CFAP54: variants seen among roughly 807,000 people sequenced by gnomAD.
The protein encoded by CFAP54 is cilia and flagella associated protein 54, also known as cilia- and flagella-associated protein 54.
In CFAP54, 290 loss-of-function variants were observed where a neutral mutation model predicts 370.4. The ratio of observed to expected loss-of-function variants is 0.78; its 90% confidence interval spans 0.71 to 0.86. The LOEUF is 0.86. Among genes scored for constraint, CFAP54 ranks in the 40% least tolerant of loss-of-function variants. CFAP54 has a pLI of 0.00. For missense variants in CFAP54, 3,399 were observed against 3,528.7 expected (o/e 0.96, Z 0.93); for synonymous variants, 1,206 against 1,236.5 (o/e 0.98, Z 0.52).
Position 96,786,724 on chromosome 12 carries a change from C to T in CFAP54, c.8505C>T (p.Leu2835=). The change falls in exon 62 of 68, where the codon CTC becomes CTT. Residue 2835 remains leucine (L), a synonymous_variant. Transcript: ENST00000524981. The part of the protein sequence containing the change: ...SGISLPDDTL[L]TSLYNSELIL... Reference sequence around the variant, plus strand: ...TTTCTTTGCCAGATGATACACTTCTCACATCCCTTTACAACTCTGAGTTGA... The same window carrying T: ...TTTCTTTGCCAGATGATACACTTCTTACATCCCTTTACAACTCTGAGTTGA... 3.9e-6 allele frequency: 6 copies of T among 1,535,852 alleles called. No individual in the cohort carries two copies. The highest frequency in any genetic ancestry group is 5.2e-6 in the Non-Finnish European group (6 of 1,146,798).
chr12:96,757,881 A>G (rs1205012285), intron 58 of CFAP54, among the ~76,000 whole-genome samples: 2 of 152,342 alleles, frequency 1.3e-5, no homozygotes, highest in Admixed American at 6.5e-5. Flanking sequence ...GTTATGTTTC[A>G]TGGATAACAT....
intron 66 of CFAP54, among the ~76,000 whole-genome samples, chr12:96,847,742 C>T (rs140337023): frequency 5.3e-4 from 80 of 152,288 alleles, no homozygotes; most frequent in Non-Finnish European, 9.3e-4. Flanking sequence ...AGACAGAACC[C>T]CTCATGTTGT....
chr12:96,841,207 C>G (rs1466219036), intron 66 of CFAP54, among the ~76,000 whole-genome samples: 3 of 152,200 alleles, frequency 2.0e-5, no homozygotes, highest in Non-Finnish European at 4.4e-5. Context: ...TATATGCACT[C>G]CTTGATAAAC....
intron 46 of CFAP54, among the ~76,000 whole-genome samples, chr12:96,704,287 C>T (rs796177338): frequency 2.6e-5 from 4 of 150,948 alleles, no homozygotes; most frequent in African/African-American, 7.3e-5. Flanking sequence ...TTTAGCTGGA[C>T]GTGGTGGCGG....
intron 66 of CFAP54, among the ~76,000 whole-genome samples, chr12:96,830,916 T>C (rs908710008): frequency 1.3e-5 from 2 of 152,160 alleles, no homozygotes; most frequent in Non-Finnish European, 2.9e-5. Context: ...CCTCAAGTGA[T>C]CCACCTGCCT....
chr12:96,752,724 A>G (rs1397243203), intron 55 of CFAP54, among the ~76,000 whole-genome samples: 3 of 152,154 alleles, frequency 2.0e-5, no homozygotes, highest in Non-Finnish European at 4.4e-5. Flanking sequence ...CTGCTACACA[A>G]TTGGCCATGC....
chr12:96,843,598 T>G (rs890897841), intron 66 of CFAP54, among the ~76,000 whole-genome samples: 1 of 152,114 alleles, frequency 6.6e-6, no homozygotes, highest in Non-Finnish European at 1.5e-5. Context: ...CCAGTGAGAG[T>G]TGGGCGACTC....
chr12:96,666,462 AG>A (rs1372562708), intron 39 of CFAP54, among the ~76,000 whole-genome samples: 1 of 152,220 alleles, frequency 6.6e-6, no homozygotes, highest in African/African-American at 2.4e-5. Flanking sequence ...AAACAAAAAG[AG>A]GTTTAATGAA....
At chr12:96,532,629 CTT>C (rs1002884007) in intron 9 of CFAP54, among the ~76,000 whole-genome samples, 1 of 150,746 alleles carries the variant, frequency 6.6e-6, no homozygotes, top group African/African-American at 2.4e-5. Context: ...ATACCGTGCC[CTT>C]TTTTTTTGAG....
At chr12:96,837,830 C>T (rs1959191253) in intron 66 of CFAP54, among the ~76,000 whole-genome samples, 1 of 152,162 alleles carries the variant, frequency 6.6e-6, no homozygotes, top group South Asian at 2.1e-4. Context: ...TTCCTGCTTT[C>T]AAGAGGGCCC....
chr12:96,642,938 G>A (rs1956748786), intron 32 of CFAP54, among the ~76,000 whole-genome samples: 1 of 152,082 alleles, frequency 6.6e-6, no homozygotes. Context: ...TGAGCCACCT[G>A]GAGTCTGTCA....
chr12:96,579,033 T>A (rs1007211500), intron 20 of CFAP54, among the ~76,000 whole-genome samples: 1 of 152,214 alleles, frequency 6.6e-6, no homozygotes, highest in African/African-American at 2.4e-5. Flanking sequence ...AATTTTACCC[T>A]CCAAATTCTG....
Position 96,535,160 on chromosome 12 carries a change from C to T in CFAP54, c.1706-355C>T, listed in dbSNP as rs536432896. On this transcript the variant is annotated intron_variant, in intron 11 of 67. Transcript: ENST00000524981. ...TGTAACTTCTGCCTCCTGGGTTCTCCTGCCTCAGCCTCCCGAGTAGCTAGG... is the reference window on the plus strand; with the variant it reads ...TGTAACTTCTGCCTCCTGGGTTCTCTTGCCTCAGCCTCCCGAGTAGCTAGG... Among the ~76,000 whole-genome samples, 7 of 151,942 alleles carry T rather than the reference C, an allele frequency of 4.6e-5. No individual in the cohort carries two copies. In the South Asian group the frequency reaches 1.5e-3, roughly 32 times the overall value.
intron 67 of CFAP54, among the ~76,000 whole-genome samples, chr12:96,862,542 A>G (rs1959903359): frequency 3.3e-5 from 5 of 152,188 alleles, no homozygotes; most frequent in Admixed American, 3.3e-4. Flanking sequence ...GAGTGGAATG[A>G]ATGATGGCCT....
intron 67 of CFAP54, among the ~76,000 whole-genome samples, chr12:96,871,572 A>G (rs1030536360): frequency 9.2e-5 from 14 of 152,224 alleles, no homozygotes; most frequent in African/African-American, 3.4e-4. Flanking sequence ...AACAGTCAAC[A>G]CATTTCCAGA....
At chr12:96,574,680 A>G (rs1264978927) in intron 19 of CFAP54, among the ~76,000 whole-genome samples, 1 of 152,064 alleles carries the variant, frequency 6.6e-6, no homozygotes, top group Non-Finnish European at 1.5e-5. Flanking sequence ...TATACTTCCT[A>G]ATGTTAAACT....
At chr12:96,590,776 G>T (rs956355036) in intron 23 of CFAP54, among the ~76,000 whole-genome samples, 1 of 152,118 alleles carries the variant, frequency 6.6e-6, no homozygotes, top group Non-Finnish European at 1.5e-5. Flanking sequence ...GGATATGAGA[G>T]GTAGAACAAG....
At chr12:96,732,870 T>C (rs186528619) in intron 50 of CFAP54, among the ~76,000 whole-genome samples, 405 of 152,236 alleles carry the variant, frequency 2.7e-3, no homozygotes, top group Admixed American at 4.7e-3. Flanking sequence ...GTTTTTTTTT[T>C]CCAAACTATG....
intron 66 of CFAP54, among the ~76,000 whole-genome samples, chr12:96,847,116 G>C (rs1429455332): frequency 1.3e-5 from 2 of 152,140 alleles, no homozygotes; most frequent in East Asian, 3.9e-4. Flanking sequence ...ACAGCTGACA[G>C]AACACAGGAA....
Sources: allele counts gnomAD v4.1 joint callset (sites outside exome capture counted in the v4.1 genomes callset), GRCh38; gene constraint gnomAD v4.1.1; transcripts MANE v1.5; gene names NCBI Gene and HGNC (gene_info 2026-07-23, HGNC 2026-07-21).